TEX48: variants seen among roughly 807,000 people sequenced by gnomAD.
TEX48 encodes testis-expressed protein 48.
Under a neutral mutation model 13.2 loss-of-function variants are expected in TEX48, and 10 were observed. The ratio of observed to expected loss-of-function variants is 0.75; its 90% CI spans 0.47 to 1.28. The LOEUF is 1.28. TEX48 is among the 50% of genes most tolerant of loss of function. The pLI is 0.00. For missense variants in TEX48, 116 were observed against 139.4 expected (o/e 0.83, Z 0.84); for synonymous variants, 45 against 52.3 (o/e 0.86, Z 0.60).
intron 1 of TEX48, among the ~76,000 whole-genome samples, chr9:114,678,554 G>C (rs112640896): frequency 6.6e-6 from 1 of 151,978 alleles, no homozygotes; most frequent in Admixed American, 6.6e-5. Flanking sequence ...AGTTCATTTC[G>C]TTGTTGACCT....
At chr9:114,680,458 C>A (rs1299896889) in intron 1 of TEX48, among the ~76,000 whole-genome samples, 1 of 152,156 alleles carries the variant, frequency 6.6e-6, no homozygotes, top group Non-Finnish European at 1.5e-5. Context: ...CATTCAGGTT[C>A]TGTTGTCCAG....
At chr9:114,669,142 T>G (rs1296965409) in intron 3 of TEX48, among the ~76,000 whole-genome samples, 1 of 152,154 alleles carries the variant, frequency 6.6e-6, no homozygotes, top group East Asian at 1.9e-4. Context: ...CACCCAGCCC[T>G]GCATTTGACT....
intron 1 of TEX48, among the ~76,000 whole-genome samples, chr9:114,675,323 G>A (rs1017611838): frequency 1.3e-5 from 2 of 152,148 alleles, no homozygotes; most frequent in Non-Finnish European, 2.9e-5. Context: ...GGTTTCATGA[G>A]TCAATTTTAG....
At chr9:114,667,905 CAAAAAAAAAAA>C (rs1176250476) in intron 4 of TEX48, among the ~76,000 whole-genome samples, 1 of 60,514 alleles carries the variant, frequency 1.7e-5, no homozygotes, top group African/African-American at 6.9e-5. Flanking sequence ...GACTCCATCT[CAAAAAAAAAAA>C]AAAAAAAAAA....
intron 3 of TEX48, among the ~76,000 whole-genome samples, chr9:114,671,095 G>A (rs1827936950): frequency 6.6e-6 from 1 of 152,174 alleles, no homozygotes; most frequent in South Asian, 2.1e-4. Context: ...TCCTGTTAAA[G>A]TGCCAGTTCT....
chr9:114,676,573 C>T (rs1828071635), intron 1 of TEX48, among the ~76,000 whole-genome samples: 1 of 151,524 alleles, frequency 6.6e-6, no homozygotes, highest in African/African-American at 2.4e-5. Flanking sequence ...GTGAACAAGA[C>T]ACAGGATAGA....
chr9:114,666,683 T>G lies in TEX48; in HGVS notation c.323A>C (p.Glu108Ala), dbSNP rs1393534289. 2 of 1,535,222 alleles carry G rather than the reference T, an allele frequency of 1.3e-6. No individual in the cohort carries two copies. Among genetic ancestry groups the G allele is most frequent in the Admixed American group, 2.0e-5 (1 of 50,962 alleles). ...GAGGCATGGCTGGAATGGCCAGTGCTCCTGGCAGTAGCGGTTTAAGTTTCT... is the reference window on the plus strand; with the variant it reads ...GAGGCATGGCTGGAATGGCCAGTGCGCCTGGCAGTAGCGGTTTAAGTTTCT... ...YKRNLNRYCQ[E>A]HWPFQPCLTG... Residue 108 changes from glutamate (E) to alanine (A), a missense_variant, in exon 5 of 5, where the codon GAG becomes GCG. Coordinates refer to ENST00000436752, the MANE Select transcript of TEX48 (RefSeq NM_001199233.2).
intron 1 of TEX48, among the ~76,000 whole-genome samples, chr9:114,679,958 G>A (rs1199062078): frequency 6.6e-6 from 1 of 152,008 alleles, no homozygotes; most frequent in Non-Finnish European, 1.5e-5. Flanking sequence ...TAACACTCCC[G>A]TTGTGCCTGG....
At chr9:114,674,629 CCTTCCTT>C (rs1828022928) in intron 1 of TEX48, among the ~76,000 whole-genome samples, 1 of 123,910 alleles carries the variant, frequency 8.1e-6, no homozygotes, top group Non-Finnish European at 1.7e-5. Context: ...TTCCTTCCTT[CCTTCCTT>C]CCTTCCTTCC....
At chr9:114,675,841 A>C (rs62579744) in intron 1 of TEX48, among the ~76,000 whole-genome samples, 1 of 152,140 alleles carries the variant, frequency 6.6e-6, no homozygotes, top group Non-Finnish European at 1.5e-5. Context: ...AGCTTCCCCA[A>C]TCACCTTTTA....
chr9:114,675,104 A>G (rs1490156827), intron 1 of TEX48, among the ~76,000 whole-genome samples: 3 of 152,228 alleles, frequency 2.0e-5, no homozygotes, highest in Non-Finnish European at 2.9e-5. Context: ...TGTCTAGAGC[A>G]GTACCTAGTG....
At chr9:114,666,985 A>G (rs1041419748) in intron 4 of TEX48, among the ~76,000 whole-genome samples, 5 of 152,180 alleles carry the variant, frequency 3.3e-5, no homozygotes, top group African/African-American at 1.2e-4. Flanking sequence ...CTTGCAAAGC[A>G]CAGTGATATG....
intron 1 of TEX48, among the ~76,000 whole-genome samples, chr9:114,677,292 A>ATT (rs35962652): frequency 0.068 from 10,073 of 149,110 alleles, 425 homozygotes; most frequent in African/African-American, 0.12. Flanking sequence ...GTGTCATGGG[A>ATT]TTTTTTTTTT....
At position 114,668,299 on chromosome 9, in the gene TEX48, G is replaced by T; in HGVS notation, c.166C>A (p.Pro56Thr). Residue 56 changes from proline to threonine, a missense_variant, in exon 4 of 5, where the codon CCC becomes ACC. By Grantham distance (38) the Pro-to-Thr change is conservative. Coordinates refer to ENST00000436752, the MANE Select transcript of TEX48 (RefSeq NM_001199233.2). ...LQKDELDRQN[P>T]KRINAVSHLP... Reference sequence around the variant, plus strand: ...TGGGAGACTGCGTTAATGCGCTTGGGATTTTGTCTGTCAAGCTCATCCTTC... The same window carrying T: ...TGGGAGACTGCGTTAATGCGCTTGGTATTTTGTCTGTCAAGCTCATCCTTC... The T allele has an allele frequency of 6.5e-7, 1 of 1,535,652 alleles. No individual in the cohort carries two copies. Among genetic ancestry groups the T allele is most frequent in the Non-Finnish European group, 8.7e-7 (1 of 1,146,866 alleles).
At chr9:114,674,602 TTTCCTTCCTTCC>T (rs770645165) in intron 1 of TEX48, among the ~76,000 whole-genome samples, 3,990 of 52,826 alleles carry the variant, frequency 0.076, 207 homozygotes, top group Non-Finnish European at 0.096. Context: ...TCTCTTTTTC[TTTCCTTCCTTCC>T]TTCCTTCCTT....
At chr9:114,667,901 A>C (rs1397471868) in intron 4 of TEX48, among the ~76,000 whole-genome samples, 4 of 81,012 alleles carry the variant, frequency 4.9e-5, no homozygotes, top group Non-Finnish European at 8.9e-5. Flanking sequence ...GGGAGACTCC[A>C]TCTCAAAAAA....
rs537575136 is a variant in TEX48 at position 114,679,822 on chromosome 9, C to T, written c.-105+2213G>A. On this transcript the variant is annotated intron_variant, in intron 1 of 4. Transcript: ENST00000436752. Reference sequence around the variant, plus strand: ...TTTTTTCCCCTCACCTTGACTGACACAGCAAATCATGTAGCCCACACCCTA... The same window carrying T: ...TTTTTTCCCCTCACCTTGACTGACATAGCAAATCATGTAGCCCACACCCTA... Among the ~76,000 whole-genome samples the T allele has an allele frequency of 5.3e-5, 8 of 152,286 alleles. No homozygotes were observed. In the South Asian group the frequency reaches 1.7e-3, roughly 32 times the overall value.
chr9:114,671,127 G>A (rs765329629), intron 3 of TEX48, among the ~76,000 whole-genome samples: 3 of 152,092 alleles, frequency 2.0e-5, no homozygotes, highest in African/African-American at 4.8e-5. Flanking sequence ...TCCAGAGCGG[G>A]GTCTGAAAAT....
chr9:114,672,460 C>T (rs1439064220), intron 1 of TEX48, among the ~76,000 whole-genome samples: 1 of 152,208 alleles, frequency 6.6e-6, no homozygotes, highest in Admixed American at 6.5e-5. Context: ...TGTTCTCACT[C>T]CCCTTCTTGT....
Sources: allele counts gnomAD v4.1 joint callset (sites outside exome capture counted in the v4.1 genomes callset), GRCh38; gene constraint gnomAD v4.1.1; transcripts MANE v1.5; gene names NCBI Gene and HGNC (gene_info 2026-07-23, HGNC 2026-07-21).